NCOA3: variants seen among roughly 807,000 people sequenced by gnomAD.
The protein encoded by NCOA3 is nuclear receptor coactivator 3.
In NCOA3, 51 loss-of-function variants were observed where a neutral mutation model predicts 158.8. The ratio of observed to expected loss-of-function variants is 0.32; its 90% CI spans 0.26 to 0.41. The LOEUF (loss-of-function observed/expected upper bound fraction) is 0.41. Ranked by LOEUF, NCOA3 falls within the 10% of genes least tolerant of loss-of-function variation. The pLI is 1.00. For synonymous variants in NCOA3, 537 were observed against 592.4 expected (o/e 0.91, Z 1.36); for missense variants, 1,510 against 1,746.6 (o/e 0.86, Z 2.41).
intron 1 of NCOA3, among the ~76,000 whole-genome samples, chr20:47,553,980 T>A (rs2084963576): frequency 6.6e-6 from 1 of 152,208 alleles, no homozygotes; most frequent in South Asian, 2.1e-4. Context: ...CCACACCGAC[T>A]TCCACAATGG....
At chr20:47,538,999 T>C (rs1040258484) in intron 1 of NCOA3, among the ~76,000 whole-genome samples, 1 of 152,268 alleles carries the variant, frequency 6.6e-6, no homozygotes, top group African/African-American at 2.4e-5. Context: ...CTTGGATGAA[T>C]TGATTTCAAG....
At chr20:47,545,054 A>G (rs1293242044) in intron 1 of NCOA3, among the ~76,000 whole-genome samples, 1 of 150,074 alleles carries the variant, frequency 6.7e-6, no homozygotes, top group East Asian at 2.0e-4. Context: ...TATCTGAAAT[A>G]TGTCATTCCA....
chr20:47,501,925 G>A lies in NCOA3; in HGVS notation c.-193G>A. ...TCAGCCGCTCCACAGCGACGGCAGC[G>A]GCTGCGGCTTAGTCGGTGGCGGCCG... On this transcript the variant is annotated 5_prime_UTR_variant, in exon 1 of 23. Transcript: ENST00000371998. 2.5e-6 allele frequency: 1 copy of A among 400,246 alleles called. No homozygotes were observed. Among genetic ancestry groups the A allele is most frequent in the Non-Finnish European group, 4.4e-6 (1 of 227,194 alleles). 24.8% of individuals were successfully genotyped at this position (400,246 alleles called of 1,614,324 possible). A position where few individuals can be genotyped will look rare whatever the true frequency, so the allele number is the denominator to read the frequency against.
At chr20:47,579,484 C>T (rs1397653226) in intron 1 of NCOA3, among the ~76,000 whole-genome samples, 1 of 152,174 alleles carries the variant, frequency 6.6e-6, no homozygotes, top group Non-Finnish European at 1.5e-5. Context: ...AAAAAAAATA[C>T]TGTCCTAAGA....
chr20:47,507,350 A>T (rs982581127), intron 1 of NCOA3, among the ~76,000 whole-genome samples: 1 of 152,198 alleles, frequency 6.6e-6, no homozygotes, highest in Non-Finnish European at 1.5e-5. Flanking sequence ...TTTTACCTTT[A>T]AAAAGAAAAG....
rs370551237 is a variant in NCOA3, at chr20:47,627,795, C to A, written c.721+46C>A. 27 of 1,592,428 alleles carry A rather than the reference C, an allele frequency of 1.7e-5. No homozygotes were observed. The African/African-American group carries it at 2.8e-4, about 17-fold the overall frequency. On this transcript the variant is annotated intron_variant, in intron 7 of 22. Transcript: ENST00000371998. ...GTGATGTTCATGAAACAAATAGTGG[C>A]CATACTTGGAGTTTTGAAACTTGTG... is the stretch of plus-strand genomic sequence containing the variant.
At chr20:47,644,288 C>G (rs545762731) in intron 17 of NCOA3, among the ~76,000 whole-genome samples, 2 of 151,764 alleles carry the variant, frequency 1.3e-5, no homozygotes, top group Non-Finnish European at 2.9e-5. Context: ...TACAGGTGCC[C>G]GCCACCACAC....
chr20:47,572,536 C>T (rs72662708), intron 1 of NCOA3, among the ~76,000 whole-genome samples: 5 of 151,634 alleles, frequency 3.3e-5, no homozygotes, highest in African/African-American at 1.2e-4. Flanking sequence ...CTAGCCCCCC[C>T]CACCTGCCTT....
At chr20:47,608,955 C>T (rs1053723824) in intron 2 of NCOA3, among the ~76,000 whole-genome samples, 1 of 152,098 alleles carries the variant, frequency 6.6e-6, no homozygotes, top group Non-Finnish European at 1.5e-5. Flanking sequence ...ATTTCAGGGG[C>T]ATTTAGTTGT....
intron 1 of NCOA3, among the ~76,000 whole-genome samples, chr20:47,536,568 T>C (rs1329384021): frequency 1.3e-5 from 2 of 152,254 alleles, no homozygotes; most frequent in Non-Finnish European, 2.9e-5. Flanking sequence ...GCAAAACAAA[T>C]TGTTGTCATG....
chr20:47,626,981 T>A (rs750105347), intron 5 of NCOA3, 21 bp from the exon 6 acceptor site: 1 of 1,597,062 alleles, frequency 6.3e-7, no homozygotes, highest in African/African-American at 1.3e-5. Context: ...TAACAGCCTG[T>A]ATTAACATAT....
chr20:47,508,068 A>C (rs1428644578), intron 1 of NCOA3, among the ~76,000 whole-genome samples: 2 of 152,278 alleles, frequency 1.3e-5, no homozygotes, highest in East Asian at 3.9e-4. Flanking sequence ...AGGGATAGTA[A>C]TGATGTAGTT....
At chr20:47,503,432 G>T (rs2146035012) in intron 1 of NCOA3, among the ~76,000 whole-genome samples, 1 of 152,298 alleles carries the variant, frequency 6.6e-6, no homozygotes, top group Middle Eastern at 3.4e-3. Context: ...ATTGAAAAGT[G>T]AATCTCTCTT....
rs528037326 is a variant in NCOA3 at position 47,639,085 on chromosome 20, G to A, written c.2590G>A (p.Val864Ile). 8 of 1,614,178 alleles carry A rather than the reference G, an allele frequency of 5.0e-6. No homozygotes were observed. The African/African-American group carries it at 1.1e-4, about 22-fold the overall frequency. ...RAVSLDSPVS[V>I]GSSPPVKNIS... ...AGTGTCTCTGGATAGCCCTGTTTCT[G>A]TTGGCTCAAGTCCTCCAGTAAAAAA... Residue 864 changes from valine to isoleucine, a missense_variant, in exon 14 of 23, where the codon GTT becomes ATT. Physicochemically the swap from Val to Ile is conservative, Grantham distance 29. This residue lies in a region of NCOA3 where 1,017 missense variants were observed against 1,098.3 expected (regional missense o/e 0.93). Coordinates refer to ENST00000371998, the MANE Select transcript of NCOA3 (RefSeq NM_181659.3).
intron 1 of NCOA3, among the ~76,000 whole-genome samples, chr20:47,563,901 A>G (rs1366150145): frequency 6.7e-6 from 1 of 150,284 alleles, no homozygotes; most frequent in African/African-American, 2.5e-5. Context: ...AAAAAAAAAA[A>G]AAAGAAAGAA....
At chr20:47,646,054 G>T (rs1285715153) in intron 17 of NCOA3, among the ~76,000 whole-genome samples, 1 of 152,114 alleles carries the variant, frequency 6.6e-6, no homozygotes, top group Non-Finnish European at 1.5e-5. Context: ...ATCTGTGAGG[G>T]GTTGGTTTCA....
Position 47,655,395 on chromosome 20 carries a change from G to C in NCOA3, c.*1978G>C, listed in dbSNP as rs1444202891. 1 of 152,142 alleles carries C rather than the reference G, an allele frequency of 6.6e-6. No homozygotes were observed. Among genetic ancestry groups the C allele is most frequent in the African/African-American group, 2.4e-5 (1 of 41,424 alleles). The allele number at this position is 152,142 out of a possible 1,614,324, so 9.4% of individuals were successfully genotyped here. ...TAATTTTAAGAATTTCACACATTTA[G>C]CCAATCTTTCTAGATGTCTCTGAAG... On this transcript the variant is annotated 3_prime_UTR_variant, in exon 23 of 23. Transcript: ENST00000371998.
intron 1 of NCOA3, among the ~76,000 whole-genome samples, chr20:47,522,901 A>AAC (rs1263246577): frequency 6.6e-6 from 1 of 151,792 alleles, no homozygotes; most frequent in African/African-American, 2.4e-5. Context: ...TTAAAAAAAA[A>AAC]AAAAACGAGC....
intron 1 of NCOA3, among the ~76,000 whole-genome samples, chr20:47,568,273 C>T (rs1022604287): frequency 9.9e-5 from 15 of 152,062 alleles, no homozygotes; most frequent in Non-Finnish European, 2.2e-4. Flanking sequence ...TGGCAAGAAG[C>T]TAGGCAGCTA....
Sources: allele counts gnomAD v4.1 joint callset (sites outside exome capture counted in the v4.1 genomes callset), GRCh38; gene constraint gnomAD v4.1.1; regional missense constraint gnomAD v4.1.1; transcripts MANE v1.5; gene names NCBI Gene and HGNC (gene_info 2026-07-23, HGNC 2026-07-21).